The following GARIN5B variants were observed in gnomAD, a reference collection of about 807,000 sequenced individuals.
GARIN5B encodes Golgi-associated RAB2 interactor protein 5B.
At chr19:55,360,862 G>A in the GARIN5B span, 80 of 1,547,738 alleles carry the variant, frequency 5.2e-5, no homozygotes, top group Non-Finnish European at 6.0e-5. Context: ...CCAGGCAAGC[G>A]GATTTGGGTG....
chr19:55,357,792 G>C, the GARIN5B span, among the ~76,000 whole-genome samples: 1 of 152,188 alleles, frequency 6.6e-6, no homozygotes, highest in Non-Finnish European at 1.5e-5. Flanking sequence ...GGTGGCTCAC[G>C]CCTGTAATCC....
At chr19:55,358,351 C>T in the GARIN5B span, 1 of 1,524,226 alleles carries the variant, frequency 6.6e-7, no homozygotes, top group Non-Finnish European at 8.8e-7. Context: ...TGGCCTCCAT[C>T]TTTGAGATGA....
At chr19:55,359,734 G>T in the GARIN5B span, 1 of 1,551,412 alleles carries the variant, frequency 6.4e-7, no homozygotes, top group South Asian at 1.2e-5. Context: ...TGCCCCTGGG[G>T]ATGGAAGAGT....
the GARIN5B span, among the ~76,000 whole-genome samples, chr19:55,357,926 C>G: frequency 6.6e-6 from 1 of 151,906 alleles, no homozygotes; most frequent in Non-Finnish European, 1.5e-5. Flanking sequence ...TGGTGGCACA[C>G]GCCTGTAATC....
the GARIN5B span, chr19:55,362,156 C>A: frequency 7.0e-7 from 1 of 1,431,846 alleles, no homozygotes. Context: ...CCGGCCTAGA[C>A]TTTGGGCTCT....
the GARIN5B span, chr19:55,360,912 G>A: frequency 1.3e-6 from 2 of 1,542,644 alleles, no homozygotes; most frequent in South Asian, 1.2e-5. Flanking sequence ...GGACCTGCAG[G>A]AGCAATACCG....
chr19:55,355,418 G>C, the GARIN5B span: 1 of 1,484,640 alleles, frequency 6.7e-7, no homozygotes, highest in East Asian at 2.5e-5. Flanking sequence ...AGGGCTTTAA[G>C]AGCTGCAGAT....
At chr19:55,355,311 C>T in the GARIN5B span, 3 of 1,550,352 alleles carry the variant, frequency 1.9e-6, no homozygotes, top group Non-Finnish European at 2.6e-6. Context: ...TAAGCCCCCG[C>T]ATCCGGCCAC....
At chr19:55,362,778 C>A in the GARIN5B span, 2 of 1,501,362 alleles carry the variant, frequency 1.3e-6, no homozygotes, top group Admixed American at 2.1e-5. Context: ...CTTCCTCCAG[C>A]AGCCACAGCC....
chr19:55,358,160 A>C, the GARIN5B span: 1 of 1,497,248 alleles, frequency 6.7e-7, no homozygotes. Flanking sequence ...CAGAAGGTTC[A>C]AGACGCCCGA....
chr19:55,358,398 A>T, the GARIN5B span: 4 of 1,505,560 alleles, frequency 2.7e-6, no homozygotes, highest in Non-Finnish European at 3.6e-6. Context: ...AAGTCCTCCC[A>T]CGGTGAGGCG....
At chr19:55,362,162 GCTCTTGGTCGCAGTCCC>G in the GARIN5B span, 1 of 1,432,872 alleles carries the variant, frequency 7.0e-7, no homozygotes, top group Non-Finnish European at 9.1e-7. Flanking sequence ...TAGACTTTGG[GCTCTTGGTCGCAGTCCC>G]CTCTGGATCT....
the GARIN5B span, chr19:55,358,956 C>G: frequency 6.4e-7 from 1 of 1,551,214 alleles, no homozygotes; most frequent in South Asian, 1.2e-5. Flanking sequence ...TTCCCCTGGC[C>G]CCTGAAGGCC....
At chr19:55,359,474 A>T in the GARIN5B span, 2 of 1,546,474 alleles carry the variant, frequency 1.3e-6, no homozygotes, top group African/African-American at 2.8e-5. Flanking sequence ...TGGAGCAGGT[A>T]CGGCTGGGGC....
chr19:55,356,580 A>G, the GARIN5B span, among the ~76,000 whole-genome samples: 1 of 151,828 alleles, frequency 6.6e-6, no homozygotes, highest in African/African-American at 2.4e-5. Flanking sequence ...TGCTGGGATT[A>G]CAGGTGTGAA....
the GARIN5B span, chr19:55,359,095 C>T: frequency 5.2e-4 from 802 of 1,551,200 alleles, 12 homozygotes; most frequent in South Asian, 8.2e-3. Context: ...GGGTGCGCAC[C>T]GTCACCACCG....
At chr19:55,362,333 G>A in the GARIN5B span, 15 of 1,550,374 alleles carry the variant, frequency 9.7e-6, no homozygotes, top group African/African-American at 1.4e-5. Context: ...GGTGGGAGCC[G>A]GCTCCTGAAG....
chr19:55,358,393 C>A, the GARIN5B span: 1 of 1,506,764 alleles, frequency 6.6e-7, no homozygotes, highest in Non-Finnish European at 8.9e-7. Context: ...GCCGTAAGTC[C>A]TCCCACGGTG....
At chr19:55,363,076 G>T in the GARIN5B span, 1 of 1,494,184 alleles carries the variant, frequency 6.7e-7, no homozygotes, top group South Asian at 1.3e-5. The surrounding 1 kb of genome is among the most constrained non-coding windows in gnomAD (Gnocchi z 4.0). Context: ...TGGTGGCTGT[G>T]GTGGATGGGT....
Sources: allele counts gnomAD v4.1 joint callset (sites outside exome capture counted in the v4.1 genomes callset), GRCh38; gene constraint gnomAD v4.1.1; non-coding constraint Gnocchi (gnomAD v3.1); transcripts MANE v1.5; gene names NCBI Gene and HGNC (gene_info 2026-07-23, HGNC 2026-07-21).